SRGAP1: variants seen among roughly 807,000 people sequenced by gnomAD.
SRGAP1 encodes SLIT-ROBO Rho GTPase-activating protein 1.
SRGAP1 carries 43 observed loss-of-function variants against 121.9 expected under a neutral mutation model. That is an observed-to-expected ratio of 0.35 (90% CI 0.28 to 0.46). SRGAP1 has a LOEUF of 0.46. Among genes scored for constraint, SRGAP1 ranks in the 20% least tolerant of loss-of-function variants. The pLI is 1.00. For missense variants in SRGAP1, 1,102 were observed against 1,350.9 expected (o/e 0.82, Z 2.89); for synonymous variants, 447 against 485.4 (o/e 0.92, Z 1.04).
chr12:64,127,085 A>G (rs115523126), intron 19 of SRGAP1, among the ~76,000 whole-genome samples: 3,480 of 152,312 alleles, frequency 0.023, 64 homozygotes, highest in South Asian at 0.12. Flanking sequence ...GCCTAGGAGC[A>G]ATAGGCTCCA....
At chr12:64,061,070 A>G (rs2035442136) in intron 6 of SRGAP1, among the ~76,000 whole-genome samples, 1 of 152,194 alleles carries the variant, frequency 6.6e-6, no homozygotes, top group South Asian at 2.1e-4. Context: ...GTACAAATTG[A>G]AAATGAACCT....
intron 1 of SRGAP1, among the ~76,000 whole-genome samples, chr12:63,973,480 G>A (rs2033013539): frequency 6.6e-6 from 1 of 152,094 alleles, no homozygotes. Context: ...CTCTGTAATG[G>A]AGACACCACA....
At chr12:64,055,150 CAA>C (rs1438748559) in intron 6 of SRGAP1, among the ~76,000 whole-genome samples, 1 of 150,112 alleles carries the variant, frequency 6.7e-6, no homozygotes, top group Non-Finnish European at 1.5e-5. Flanking sequence ...GCAACTTCAG[CAA>C]AGTCTCAGGA....
Position 64,057,539 on chromosome 12 carries a change from C to G in SRGAP1, c.802-5378C>G, listed in dbSNP as rs763086157. Among the ~76,000 whole-genome samples, 95 of 152,134 alleles carry G rather than the reference C, an allele frequency of 6.2e-4. 2 individuals are homozygous for G. The highest frequency in any genetic ancestry group is 2.1e-4 in the Non-Finnish European group (14 of 68,024). Reference sequence around the variant, plus strand: ...TTGACTACTATGTAAAAGCTCTGAACTTTTCTATTTCTGGTCCTTTATAAT... The same window carrying G: ...TTGACTACTATGTAAAAGCTCTGAAGTTTTCTATTTCTGGTCCTTTATAAT... On this transcript the variant is annotated intron_variant, in intron 6 of 21. Transcript: ENST00000355086.
intron 3 of SRGAP1, among the ~76,000 whole-genome samples, chr12:64,005,908 C>T (rs917894280): frequency 6.6e-6 from 1 of 152,100 alleles, no homozygotes; most frequent in African/African-American, 2.4e-5. Flanking sequence ...TATTGATAAC[C>T]TTTATGTGAT....
chr12:64,079,154 A>C, intron 9 of SRGAP1, 38 bp downstream of exon 9: 3 of 1,609,640 alleles, frequency 1.9e-6, no homozygotes, highest in Non-Finnish European at 2.5e-6. Flanking sequence ...TACAGAGCTC[A>C]GATCTAGGAT....
intron 1 of SRGAP1, chr12:63,879,179 T>C (rs1393604595): frequency 6.5e-6 from 1 of 153,086 alleles, no homozygotes; most frequent in African/African-American, 2.4e-5. Context: ...TATTTTCTTT[T>C]TAATTTTTTA....
chr12:64,050,855 G>T (rs1337977612), intron 6 of SRGAP1, among the ~76,000 whole-genome samples: 1 of 152,122 alleles, frequency 6.6e-6, no homozygotes, highest in African/African-American at 2.4e-5. Flanking sequence ...CCAAGTAGCT[G>T]GGATTACAGG....
chr12:64,124,923 A>G (rs563206046), intron 18 of SRGAP1, among the ~76,000 whole-genome samples: 2 of 152,302 alleles, frequency 1.3e-5, no homozygotes, highest in East Asian at 1.9e-4. Flanking sequence ...GAAATTGACA[A>G]TGATACAAAC....
intron 17 of SRGAP1, among the ~76,000 whole-genome samples, chr12:64,112,308 T>C (rs1359197131): frequency 6.6e-6 from 1 of 152,220 alleles, no homozygotes; most frequent in East Asian, 1.9e-4. Flanking sequence ...AGATTGACAT[T>C]TTATTTTTCA....
intron 14 of SRGAP1, 54 bp downstream of exon 14, chr12:64,095,258 T>C (rs2036133348): frequency 1.3e-6 from 2 of 1,525,558 alleles, no homozygotes; most frequent in Non-Finnish European, 9.1e-7. Flanking sequence ...CATCATGTTC[T>C]GTAAACTGAA....
chr12:64,078,812 C>G, intron 8 of SRGAP1, 107 bp from the exon 9 acceptor site: 1 of 1,104,438 alleles, frequency 9.1e-7, no homozygotes. Flanking sequence ...GTGAATTTGG[C>G]GGGGGCAGGC....
At chr12:64,017,795 T>C (rs986396187) in intron 4 of SRGAP1, among the ~76,000 whole-genome samples, 1 of 151,846 alleles carries the variant, frequency 6.6e-6, no homozygotes, top group African/African-American at 2.4e-5. Context: ...AAGGATATCT[T>C]TTTTTTTGCA....
chr12:64,083,162 T>C (rs2035877551), intron 10 of SRGAP1, among the ~76,000 whole-genome samples: 1 of 152,178 alleles, frequency 6.6e-6, no homozygotes, highest in African/African-American at 2.4e-5. Flanking sequence ...AGTAATCCCA[T>C]GGTGAGCTCT....
At chr12:64,117,574 T>A (rs748474816) in intron 18 of SRGAP1, among the ~76,000 whole-genome samples, 2 of 152,236 alleles carry the variant, frequency 1.3e-5, no homozygotes, top group Admixed American at 1.3e-4. Flanking sequence ...TAAGAAATCC[T>A]TCTGTGTCTT....
chr12:63,975,381 A>G (rs964272688), intron 1 of SRGAP1, among the ~76,000 whole-genome samples: 1 of 152,226 alleles, frequency 6.6e-6, no homozygotes, highest in African/African-American at 2.4e-5. Context: ...CAACAAATTC[A>G]GTTGCTAATT....
rs1240641992 is a variant in SRGAP1 at position 64,159,491 on chromosome 12, T to C, written c.*16819T>C. The C allele has an allele frequency of 6.4e-6, 1 of 155,614 alleles. No individual in the cohort carries two copies. The highest frequency in any genetic ancestry group is 1.4e-5 in the Non-Finnish European group (1 of 71,092). 9.6% of individuals were successfully genotyped at this position (155,614 alleles called of 1,614,324 possible). A position where few individuals can be genotyped will look rare whatever the true frequency, so the allele number is the denominator to read the frequency against. On this transcript the variant is annotated 3_prime_UTR_variant, in exon 22 of 22. Transcript: ENST00000355086. ...AACAAACAAACAAACAAACAAACAGTAGCTGGTTGTGGTGGTGTGTGACTG... is the reference window on the plus strand; with the variant it reads ...AACAAACAAACAAACAAACAAACAGCAGCTGGTTGTGGTGGTGTGTGACTG...
intron 1 of SRGAP1, among the ~76,000 whole-genome samples, chr12:63,930,222 G>T (rs906125051): frequency 6.6e-6 from 1 of 151,666 alleles, no homozygotes. Flanking sequence ...TGGGCATGGT[G>T]GCTCATGCCT....
Position 64,097,328 on chromosome 12 carries a change from AC to A in SRGAP1, c.1771del (p.Leu591SerfsTer10). 1 of 1,612,298 alleles carries A rather than the reference AC, an allele frequency of 6.2e-7. No individual in the cohort carries two copies. Among genetic ancestry groups the A allele is most frequent in the Non-Finnish European group, 8.5e-7 (1 of 1,179,544 alleles). ...AAGCTCTATTTCCGTGGGCTGGAAA[AC>A]CCCCTCTTTCCTAAGGAAAGATTTA... ...VLKLYFRGLE[N>X]PLFPKERFND... On this transcript the variant is annotated frameshift_variant, in exon 15 of 22. Transcript: ENST00000355086. LOFTEE classifies it high-confidence loss of function.
Sources: gnomAD v4.1 joint callset for allele counts (sites outside exome capture counted in the v4.1 genomes callset) on GRCh38, gnomAD v4.1.1 for gene constraint, MANE v1.5 for transcripts, NCBI Gene and HGNC (gene_info 2026-07-23, HGNC 2026-07-21) for gene names.